Variants in RASGRP1 observed in about 807,000 individuals in gnomAD.
RASGRP1 encodes the protein RAS guanyl-releasing protein 1.
Under a neutral mutation model 95.1 loss-of-function variants are expected in RASGRP1, and 37 were observed. The observed-to-expected ratio is 0.39, with a 90% CI of 0.30 to 0.51. The LOEUF (loss-of-function observed/expected upper bound fraction) is 0.51. Ranked by LOEUF, RASGRP1 falls within the 20% of genes least tolerant of loss-of-function variation. RASGRP1 has a pLI of 0.80. For missense variants in RASGRP1, 711 were observed against 965.4 expected, an observed-to-expected ratio of 0.74 and a Z score of 3.49; for synonymous variants, 325 against 353.4, an observed-to-expected ratio of 0.92 and a Z score of 0.90.
chr15:38,522,415 A>G (rs62008295), intron 3 of RASGRP1, among the ~76,000 whole-genome samples: 1,709 of 152,262 alleles, frequency 0.011, 19 homozygotes, highest in Non-Finnish European at 0.019. Flanking sequence ...GTTTAGGTAG[A>G]TACATTTATT....
Position 38,560,023 on chromosome 15 carries a change from G to A in RASGRP1, c.36-18C>T. On this transcript the variant is annotated intron_variant, in intron 1 of 16. Transcript: ENST00000310803. Reference sequence around the variant, plus strand: ...AAGGTTTCCTGGGGAAAGAGAGAAGGCAGTGAGGGGACAAACGGGCAGCTC... The same window carrying A: ...AAGGTTTCCTGGGGAAAGAGAGAAGACAGTGAGGGGACAAACGGGCAGCTC... The A allele has an allele frequency of 6.3e-7, 1 of 1,595,774 alleles. No homozygotes were observed.
chr15:38,502,881 A>C, intron 11 of RASGRP1: 1 of 248,596 alleles, frequency 4.0e-6, no homozygotes, highest in East Asian at 9.5e-5. Flanking sequence ...ATACATGCAT[A>C]AGTATGAGAA....
chr15:38,531,788 C>G (rs1281216808), intron 2 of RASGRP1, among the ~76,000 whole-genome samples: 1 of 152,140 alleles, frequency 6.6e-6, no homozygotes, highest in Non-Finnish European at 1.5e-5. Context: ...CGAGGTAACT[C>G]CTCTCCAGTC....
chr15:38,494,308 C>T, intron 16 of RASGRP1, 74 bp downstream of exon 16: 1 of 1,551,604 alleles, frequency 6.4e-7, no homozygotes, highest in Non-Finnish European at 8.8e-7. Flanking sequence ...AATCTTCAGT[C>T]CACATGCTCT....
intron 2 of RASGRP1, among the ~76,000 whole-genome samples, chr15:38,553,941 C>T (rs1733953697): frequency 6.6e-6 from 1 of 151,970 alleles, no homozygotes; most frequent in Non-Finnish European, 1.5e-5. Context: ...TCAGGTTTTC[C>T]TAGGATGTCT....
chr15:38,499,154 A>C, intron 14 of RASGRP1: 1 of 723,618 alleles, frequency 1.4e-6, no homozygotes, highest in South Asian at 1.4e-5. Context: ...CTTATCAGTG[A>C]ATCTCAGCAT....
intron 7 of RASGRP1, among the ~76,000 whole-genome samples, chr15:38,512,285 C>T (rs1045081414): frequency 1.3e-5 from 2 of 152,190 alleles, no homozygotes; most frequent in African/African-American, 4.8e-5. Flanking sequence ...AGGACAGTAA[C>T]TGGGACAGAG....
chr15:38,493,979 T>A (rs946608887), intron 16 of RASGRP1, among the ~76,000 whole-genome samples: 1 of 152,216 alleles, frequency 6.6e-6, no homozygotes, highest in Non-Finnish European at 1.5e-5. Flanking sequence ...AAGTTCATTT[T>A]AGTTCCATCT....
chr15:38,512,646 G>A (rs1891581979), intron 7 of RASGRP1, 137 bp downstream of exon 7: 1 of 1,029,028 alleles, frequency 9.7e-7, no homozygotes, highest in Admixed American at 2.5e-5. Context: ...TCTGGTTGAA[G>A]GCACACAAAC....
At position 38,501,042 on chromosome 15, in the gene RASGRP1, A is replaced by G. The variant is rs77308661; in HGVS notation, c.1683+101T>C. 961 of 1,344,642 alleles carry G rather than the reference A, an allele frequency of 7.1e-4. 7 individuals carry two copies. The African/African-American group carries it at 0.013, about 18-fold the overall frequency. The allele number at this position is 1,344,642 out of a possible 1,614,324, so 83.3% of individuals were successfully genotyped here. A position where few individuals can be genotyped will look rare whatever the true frequency, so the allele number is the denominator to read the frequency against. On this transcript the variant is annotated intron_variant, in intron 13 of 16. Transcript: ENST00000310803. ...ATTCTAGGTGTCTGTCTGGGCTCCA[A>G]GCTGGGATGGGTTCATAAGGATTGT... is the stretch of plus-strand genomic sequence containing the variant.
At chr15:38,503,241 GT>G (rs760536331) in intron 11 of RASGRP1, 30 bp downstream of exon 11, 5 of 1,540,770 alleles carry the variant, frequency 3.2e-6, no homozygotes, top group Non-Finnish European at 4.5e-6. Context: ...GCAATGCCTA[GT>G]TTTTGTGTGC....
intron 2 of RASGRP1, among the ~76,000 whole-genome samples, chr15:38,550,176 G>T (rs2141182972): frequency 6.6e-6 from 1 of 150,542 alleles, no homozygotes; most frequent in African/African-American, 2.5e-5. Flanking sequence ...CTTGAACCCA[G>T]GAGGTGGAGG....
At chr15:38,546,009 C>A (rs1465897477) in intron 2 of RASGRP1, among the ~76,000 whole-genome samples, 1 of 152,138 alleles carries the variant, frequency 6.6e-6, no homozygotes, top group Non-Finnish European at 1.5e-5. Context: ...TATTATGACA[C>A]CATCCTGGTA....
intron 3 of RASGRP1, among the ~76,000 whole-genome samples, chr15:38,523,015 G>C (rs1892059463): frequency 6.6e-6 from 1 of 152,102 alleles, no homozygotes; most frequent in African/African-American, 2.4e-5. Context: ...ACTAAGGCAT[G>C]GTATGGGAAT....
At chr15:38,528,658 TTTTTC>T (rs1406810305) in intron 2 of RASGRP1, among the ~76,000 whole-genome samples, 3 of 152,174 alleles carry the variant, frequency 2.0e-5, no homozygotes, top group Non-Finnish European at 4.4e-5. Flanking sequence ...GTCCTCCCGC[TTTTTC>T]TTTTATTTAT....
chr15:38,543,011 C>A (rs1278788921), intron 2 of RASGRP1, among the ~76,000 whole-genome samples: 2 of 149,952 alleles, frequency 1.3e-5, no homozygotes, highest in Non-Finnish European at 3.0e-5. Context: ...TTAATGGTAT[C>A]TTTTGATGAG....
At chr15:38,523,224 C>T (rs571175118) in intron 3 of RASGRP1, among the ~76,000 whole-genome samples, 54 of 152,278 alleles carry the variant, frequency 3.5e-4, no homozygotes, top group African/African-American at 1.2e-3. Context: ...TGGTCCATGA[C>T]GGACCACATA....
intron 2 of RASGRP1, among the ~76,000 whole-genome samples, chr15:38,556,391 C>G (rs767939530): frequency 5.3e-5 from 8 of 152,188 alleles, no homozygotes; most frequent in Non-Finnish European, 1.2e-4. Context: ...ATAAGTCCTT[C>G]TTCTGAGAAC....
chr15:38,497,995 G>T (rs1469196034), intron 15 of RASGRP1, among the ~76,000 whole-genome samples: 1 of 152,100 alleles, frequency 6.6e-6, no homozygotes, highest in African/African-American at 2.4e-5. Context: ...GCCCCTCAGG[G>T]TTCCTCAGAC....
Sources: allele counts gnomAD v4.1 joint callset (sites outside exome capture counted in the v4.1 genomes callset), GRCh38; gene constraint gnomAD v4.1.1; transcripts MANE v1.5; gene names NCBI Gene and HGNC (gene_info 2026-07-23, HGNC 2026-07-21).